The following TBCD variants were observed in gnomAD, a reference collection of about 807,000 sequenced individuals.
TBCD encodes the protein tubulin folding cofactor D.
In TBCD, 105 loss-of-function variants were observed where a neutral mutation model predicts 169.3. That is an observed-to-expected ratio of 0.62 (90% CI 0.53 to 0.73). The LOEUF (loss-of-function observed/expected upper bound fraction) is 0.73, where lower values mean the gene tolerates loss of function less well. Among genes scored for constraint, TBCD ranks in the 30% least tolerant of loss-of-function variants. The pLI is 0.00. For missense variants in TBCD, 1,444 were observed against 1,600.1 expected, an observed-to-expected ratio of 0.90 and a Z score of 1.66; for synonymous variants, 700 against 643.9, an observed-to-expected ratio of 1.09 and a Z score of -1.32.
intron 4 of TBCD, among the ~76,000 whole-genome samples, chr17:82,766,858 C>T (rs1046091837): frequency 1.3e-5 from 2 of 152,346 alleles, no homozygotes; most frequent in East Asian, 3.9e-4. Flanking sequence ...TTGGGTCCCA[C>T]AGGGCCTGTG....
chr17:82,761,962 C>T (rs909094219), intron 2 of TBCD, among the ~76,000 whole-genome samples: 33 of 150,898 alleles, frequency 2.2e-4, no homozygotes, highest in African/African-American at 7.3e-5. Flanking sequence ...CTCCTGACCT[C>T]GTGATCCGCC....
intron 30 of TBCD, among the ~76,000 whole-genome samples, 182 bp downstream of exon 30, chr17:82,928,170 G>A (rs912886387): frequency 2.6e-5 from 4 of 152,150 alleles, no homozygotes; most frequent in African/African-American, 4.8e-5. Flanking sequence ...TGCCCCCATA[G>A]CCATGGCGTG....
rs1368289795 is a variant in TBCD, at chr17:82,944,094, A to C, written c.*1631A>C. On this transcript the variant is annotated 3_prime_UTR_variant, in exon 39 of 39. Coordinates refer to ENST00000355528, the MANE Select transcript of TBCD (RefSeq NM_005993.5). ...GTGGCTTCTGAGAAAAACATGATGA[A>C]CTGTTCTTAGTGCAATTAAAAGAAG... 2 of 152,198 alleles carry C rather than the reference A, an allele frequency of 1.3e-5. No individual in the cohort carries two copies. Among genetic ancestry groups the C allele is most frequent in the African/African-American group, 2.4e-5 (1 of 41,446 alleles). 9.4% of individuals were successfully genotyped at this position (152,198 alleles called of 1,614,324 possible).
At chr17:82,877,576 G>C (rs1179564039) in intron 14 of TBCD, among the ~76,000 whole-genome samples, 2 of 152,144 alleles carry the variant, frequency 1.3e-5, no homozygotes, top group Non-Finnish European at 2.9e-5. Context: ...TCCTGATCTC[G>C]TGATCCACCC....
Position 82,763,970 on chromosome 17 carries a change from A to G in TBCD, c.241A>G (p.Met81Val). 1 of 1,613,524 alleles carries G rather than the reference A, an allele frequency of 6.2e-7. No homozygotes were observed. The highest frequency in any genetic ancestry group is 8.5e-7 in the Non-Finnish European group (1 of 1,179,554). ...PHLLDPHLEW[M>V]MNLLLDIVQD... is the part of the protein sequence containing the mutation. Reference sequence around the variant, plus strand: ...TTTCCTATGTTTTTCCCTAGAATGGATGATGAACTTGTTGTTGGACATAGT... The same window carrying G: ...TTTCCTATGTTTTTCCCTAGAATGGGTGATGAACTTGTTGTTGGACATAGT... The change falls in exon 3 of 39, where the codon ATG becomes GTG. Residue 81 changes from methionine (M) to valine (V), a missense_variant. By Grantham distance (21) the Met-to-Val change is conservative (BLOSUM62 1). Transcript: ENST00000355528.
At chr17:82,927,511 G>A (rs910049024) in intron 29 of TBCD, among the ~76,000 whole-genome samples, 188 bp downstream of exon 29, 5 of 152,222 alleles carry the variant, frequency 3.3e-5, no homozygotes, top group Non-Finnish European at 4.4e-5. Context: ...GGGCTTTGCA[G>A]GTGCTTGTCC....
At chr17:82,790,345 C>T (rs980842268) in intron 7 of TBCD, among the ~76,000 whole-genome samples, 1 of 152,222 alleles carries the variant, frequency 6.6e-6, no homozygotes, top group African/African-American at 2.4e-5. Flanking sequence ...TGTCCTGTGG[C>T]CTGCGTAAAG....
At chr17:82,847,910 G>A (rs1030108602) in intron 13 of TBCD, among the ~76,000 whole-genome samples, 3 of 152,222 alleles carry the variant, frequency 2.0e-5, no homozygotes, top group South Asian at 2.1e-4. Flanking sequence ...GATTACAGGC[G>A]TGAGCCACCG....
rs115471600 is a variant in TBCD, at chr17:82,862,854, A to C, written c.1319-7370A>C. Among the ~76,000 whole-genome samples, 1,440 of 152,230 alleles carry C rather than the reference A, an allele frequency of 9.5e-3. 22 individuals carry two copies. The highest frequency in any genetic ancestry group is 0.033 in the African/African-American group (1,353 of 41,532). ...CCCCAGGCCGGGGCCTCATTCCGTT[A>C]AGTAGGGCCAGGTGTCTGTCCTCTC... is the stretch of plus-strand genomic sequence containing the variant. On this transcript the variant is annotated intron_variant, in intron 13 of 38. Transcript: ENST00000355528.
intron 2 of TBCD, among the ~76,000 whole-genome samples, chr17:82,757,621 CAA>C (rs537412069): frequency 8.4e-5 from 6 of 71,486 alleles, no homozygotes; most frequent in Admixed American, 3.1e-4. Context: ...GACTTCATCT[CAA>C]AAAAAAAAAA....
intron 12 of TBCD, among the ~76,000 whole-genome samples, chr17:82,811,679 G>T (rs765778298): frequency 5.1e-4 from 78 of 151,892 alleles, no homozygotes; most frequent in Admixed American, 4.0e-3. Context: ...TTTCCCTTTC[G>T]CTGGGTGCTC....
At chr17:82,794,115 G>A (rs1336486346) in intron 7 of TBCD, among the ~76,000 whole-genome samples, 3 of 152,198 alleles carry the variant, frequency 2.0e-5, no homozygotes, top group Non-Finnish European at 4.4e-5. Flanking sequence ...CCAGGGCCTC[G>A]GGTGGAGTTG....
chr17:82,934,646 AT>A (rs1173118582), intron 34 of TBCD, among the ~76,000 whole-genome samples: 1 of 151,874 alleles, frequency 6.6e-6, no homozygotes, highest in East Asian at 2.0e-4. Context: ...GTAATTTTGT[AT>A]TTTTAGTAGA....
chr17:82,822,983 C>T (rs992441859), intron 13 of TBCD, among the ~76,000 whole-genome samples: 1 of 152,312 alleles, frequency 6.6e-6, no homozygotes, highest in East Asian at 1.9e-4. Flanking sequence ...GACATGGAAA[C>T]CCGCAGAGGC....
chr17:82,846,278 T>TGC (rs1443672881), intron 13 of TBCD, among the ~76,000 whole-genome samples: 1 of 144,310 alleles, frequency 6.9e-6, no homozygotes, highest in African/African-American at 2.5e-5. Context: ...CTGTGTCCTC[T>TGC]TGTCCAGCCC....
At chr17:82,761,638 A>G (rs1166059897) in intron 2 of TBCD, among the ~76,000 whole-genome samples, 1 of 151,932 alleles carries the variant, frequency 6.6e-6, no homozygotes, top group Non-Finnish European at 1.5e-5. Flanking sequence ...TTAAAATAAC[A>G]TCTCCGGGAC....
chr17:82,853,896 ATTT>A (rs1039606960), intron 13 of TBCD, among the ~76,000 whole-genome samples: 1 of 151,366 alleles, frequency 6.6e-6, no homozygotes, highest in Non-Finnish European at 1.5e-5. Context: ...GCTTTTTCAG[ATTT>A]TTTTTTGTTT....
chr17:82,848,745 A>G (rs139135588), intron 13 of TBCD, among the ~76,000 whole-genome samples: 133 of 152,342 alleles, frequency 8.7e-4, no homozygotes, highest in African/African-American at 2.8e-3. Context: ...CAAAAGGTCA[A>G]TGGGCTTGAT....
chr17:82,914,481 C>G (rs1179283866), intron 23 of TBCD, among the ~76,000 whole-genome samples: 1 of 152,260 alleles, frequency 6.6e-6, no homozygotes, highest in Non-Finnish European at 1.5e-5. Context: ...CGGCCTCCAG[C>G]TGTGTCTGCA....
Sources: gnomAD v4.1 joint callset for allele counts (sites outside exome capture counted in the v4.1 genomes callset) on GRCh38, gnomAD v4.1.1 for gene constraint, MANE v1.5 for transcripts, NCBI Gene and HGNC (gene_info 2026-07-23, HGNC 2026-07-21) for gene names.